HMGA2: variants seen among roughly 807,000 people sequenced by gnomAD.
The protein encoded by HMGA2 is high mobility group AT-hook 2, also known as high mobility group protein HMGI-C.
HMGA2 carries 8 observed loss-of-function variants against 19.1 expected under a neutral mutation model. That is an observed-to-expected ratio of 0.42 (90% CI 0.25 to 0.76). The LOEUF (loss-of-function observed/expected upper bound fraction) is 0.76, where lower values mean the gene tolerates loss of function less well. Ranked by LOEUF, HMGA2 falls within the 30% of genes least tolerant of loss-of-function variation. The pLI is 0.28. For missense variants in HMGA2, 109 were observed against 136.3 expected, an observed-to-expected ratio of 0.80 and a Z score of 1.00; for synonymous variants, 60 against 48.8, an observed-to-expected ratio of 1.23 and a Z score of -0.96.
intron 3 of HMGA2, chr12:65,882,061 C>T (rs1223749866): frequency 1.8e-5 from 11 of 596,794 alleles, no homozygotes; most frequent in South Asian, 8.9e-5. Context: ...CCAAAGCTGT[C>T]CACCTTGTCC....
chr12:65,848,774 T>G (rs1340244675), intron 3 of HMGA2, among the ~76,000 whole-genome samples: 4 of 151,894 alleles, frequency 2.6e-5, no homozygotes, highest in African/African-American at 7.3e-5. Flanking sequence ...GAGAATGGCG[T>G]GAACCCGGGA....
At chr12:65,877,814 C>CAA (rs11372211) in intron 3 of HMGA2, among the ~76,000 whole-genome samples, 1 of 146,788 alleles carries the variant, frequency 6.8e-6, no homozygotes, top group African/African-American at 2.5e-5. Flanking sequence ...GTCTTTGCTT[C>CAA]AAAAAAAAAA....
intron 3 of HMGA2, among the ~76,000 whole-genome samples, chr12:65,921,507 A>G (rs112149460): frequency 0.028 from 4,275 of 152,270 alleles, 195 homozygotes; most frequent in African/African-American, 0.098. Context: ...TTGGCCTCCC[A>G]AAGTGCTGGG....
At chr12:65,838,998 C>CTTTTTTTTTTTTTGTTTTTTT in intron 3 of HMGA2, among the ~76,000 whole-genome samples, 1 of 107,230 alleles carries the variant, frequency 9.3e-6, no homozygotes, top group African/African-American at 5.3e-5. Flanking sequence ...TTTTCTTTTT[C>CTTTTTTTTTTTTTGTTTTTTT]TTTTTTTTTT....
intron 3 of HMGA2, among the ~76,000 whole-genome samples, chr12:65,895,797 A>G (rs1483199914): frequency 6.6e-6 from 1 of 152,156 alleles, no homozygotes; most frequent in Non-Finnish European, 1.5e-5. Flanking sequence ...ATAGCTCAGC[A>G]TATTCTTTAT....
intron 3 of HMGA2, among the ~76,000 whole-genome samples, chr12:65,949,727 GATATAACACA>G (rs1467211891): frequency 6.6e-6 from 1 of 152,160 alleles, no homozygotes; most frequent in Non-Finnish European, 1.5e-5. Context: ...AATAGATACA[GATATAACACA>G]ATATAACACA....
chr12:65,884,910 G>T (rs559990008), intron 3 of HMGA2, among the ~76,000 whole-genome samples: 8 of 152,130 alleles, frequency 5.3e-5, no homozygotes, highest in Non-Finnish European at 1.2e-4. Flanking sequence ...TTCAAATTGC[G>T]CCTGGCACAT....
At chr12:65,945,146 G>A (rs1222389595) in intron 3 of HMGA2, among the ~76,000 whole-genome samples, 1 of 151,654 alleles carries the variant, frequency 6.6e-6, no homozygotes, top group Non-Finnish European at 1.5e-5. Flanking sequence ...CCACGTGAAT[G>A]AGTCTCAGAA....
intron 3 of HMGA2, among the ~76,000 whole-genome samples, chr12:65,868,795 T>C (rs947030218): frequency 6.6e-6 from 1 of 152,182 alleles, no homozygotes; most frequent in Non-Finnish European, 1.5e-5. Context: ...TCAATTTTAA[T>C]AAGTTGTCAA....
intron 3 of HMGA2, among the ~76,000 whole-genome samples, chr12:65,877,382 A>G (rs547019438): frequency 7.8e-4 from 119 of 152,178 alleles, no homozygotes; most frequent in African/African-American, 2.6e-3. Flanking sequence ...CTAGAATGGT[A>G]CTGTGCAGAG....
intron 4 of HMGA2, chr12:65,952,697 A>T: frequency 3.3e-6 from 1 of 299,030 alleles, no homozygotes; most frequent in East Asian, 5.8e-5. Context: ...TTAGCCTCTC[A>T]TCCTTTAACT....
chr12:65,954,924 G>C (rs1351902967), intron 4 of HMGA2: 3 of 152,146 alleles, frequency 2.0e-5, no homozygotes, highest in Non-Finnish European at 2.9e-5. Context: ...TAGAAATGAG[G>C]CTGGGTGCAG....
intron 2 of HMGA2, among the ~76,000 whole-genome samples, chr12:65,836,585 T>C (rs1480500931): frequency 1.3e-5 from 2 of 152,184 alleles, no homozygotes; most frequent in East Asian, 1.9e-4. Context: ...AATTGGAATC[T>C]AAGCGTTCCA....
intron 3 of HMGA2, among the ~76,000 whole-genome samples, chr12:65,869,479 G>A (rs1373580607): frequency 6.6e-6 from 1 of 152,162 alleles, no homozygotes; most frequent in Non-Finnish European, 1.5e-5. Flanking sequence ...GTCAAAGAGG[G>A]TGCTGTCAGT....
In HMGA2 at chr12:65,842,965, G is replaced by A. The variant is rs1871067999; in HGVS notation, c.249+4396G>A. 4 of 892,260 alleles carry A rather than the reference G, an allele frequency of 4.5e-6. No individual in the cohort carries two copies. The African/African-American group carries it at 6.9e-5, about 15-fold the overall frequency. 55.3% of individuals were successfully genotyped at this position (892,260 alleles called of 1,614,324 possible). On this transcript the variant is annotated intron_variant, in intron 3 of 4. Coordinates refer to ENST00000403681, the MANE Select transcript of HMGA2 (RefSeq NM_003483.6). ...GATGTTGCTTAGTGATGCAGCTAGT[G>A]CTTCTGGAGGAAAAGAAGCAAGAAC... is the stretch of plus-strand genomic sequence containing the variant.
At chr12:65,891,878 G>C (rs1334950699) in intron 3 of HMGA2, among the ~76,000 whole-genome samples, 1 of 152,230 alleles carries the variant, frequency 6.6e-6, no homozygotes, top group East Asian at 1.9e-4. Flanking sequence ...CCCGTGCCCA[G>C]CACAACGGAG....
intron 3 of HMGA2, among the ~76,000 whole-genome samples, chr12:65,902,636 A>G (rs1001218571): frequency 6.6e-6 from 1 of 152,228 alleles, no homozygotes; most frequent in Non-Finnish European, 1.5e-5. Context: ...CATTTTCTGC[A>G]ATAGATAGCA....
intron 3 of HMGA2, 149 bp downstream of exon 3, chr12:65,838,718 C>T (rs2120873634): frequency 1.5e-6 from 1 of 664,290 alleles, no homozygotes; most frequent in East Asian, 2.7e-5. Context: ...GACAAATTAT[C>T]ATCACTTCCT....
chr12:65,883,521 C>A (rs1873530659), intron 3 of HMGA2, among the ~76,000 whole-genome samples: 1 of 152,196 alleles, frequency 6.6e-6, no homozygotes, highest in Non-Finnish European at 1.5e-5. Context: ...ATAACTTGTT[C>A]AAGATCACTC....
Sources: allele counts gnomAD v4.1 joint callset (sites outside exome capture counted in the v4.1 genomes callset), GRCh38; gene constraint gnomAD v4.1.1; transcripts MANE v1.5; gene names NCBI Gene and HGNC (gene_info 2026-07-23, HGNC 2026-07-21).